IRF2BPL: variants seen among roughly 807,000 people sequenced by gnomAD.
IRF2BPL encodes the protein interferon regulatory factor 2 binding protein like.
Under a neutral mutation model 51.2 loss-of-function variants are expected in IRF2BPL, and 13 were observed. The observed-to-expected ratio is 0.25, with a 90% CI of 0.17 to 0.40. The LOEUF (loss-of-function observed/expected upper bound fraction) is 0.40, where lower values mean the gene tolerates loss of function less well. Ranked by LOEUF, IRF2BPL falls within the 10% of genes least tolerant of loss-of-function variation. The pLI is 1.00. For synonymous variants in IRF2BPL, 768 were observed against 509.2 expected (o/e 1.51, Z -6.84); for missense variants, 1,210 against 1,111.8 (o/e 1.09, Z -1.26).
rs1052790205 is a variant in IRF2BPL at position 77,028,308 on chromosome 14, C to T, written c.-516G>A. ...GTTCAGTGCCACCCGGTGCCCGGGT[C>T]CAATCTTGCTGAAGCCGCTGCTTCC... On this transcript the variant is annotated 5_prime_UTR_variant, in exon 1 of 1. Transcript: ENST00000238647. The T allele has an allele frequency of 1.6e-5, 4 of 250,524 alleles. No individual in the cohort carries two copies. The East Asian group carries it at 3.7e-4, about 23-fold the overall frequency. 15.5% of individuals were successfully genotyped at this position (250,524 alleles called of 1,614,324 possible).
chr14:77,026,925 G>A lies in IRF2BPL; in HGVS notation c.868C>T (p.Pro290Ser), dbSNP rs577768441. Reference sequence around the variant, plus strand: ...CAAGCGGGGCCCCCAGGAGCCCCTGGGGGAGCAGGCGTCGGGGGCCCACGG... The same window carrying A: ...CAAGCGGGGCCCCCAGGAGCCCCTGAGGGAGCAGGCGTCGGGGGCCCACGG... ...GSRGPPTPAP[P>S]GAPGGPACLG... Residue 290 changes from proline (P) to serine (S), a missense_variant, in exon 1 of 1, where the codon CCA becomes TCA. Coordinates refer to ENST00000238647, the MANE Select transcript of IRF2BPL (RefSeq NM_024496.4). 1.0e-5 allele frequency: 15 copies of A among 1,478,468 alleles called. No individual in the cohort carries two copies. In the African/African-American group the frequency reaches 1.8e-4, roughly 18 times the overall value. The allele number at this position is 1,478,468 out of a possible 1,614,324, so 91.6% of individuals were successfully genotyped here. A position where few individuals can be genotyped will look rare whatever the true frequency, so the allele number is the denominator to read the frequency against.
In IRF2BPL at chr14:77,027,065, C is replaced by G; in HGVS notation, c.728G>C (p.Gly243Ala). ...GGTGAGCTGGGGGCCTCCGCCACCC[C>G]CCGGGTTGGGCAGCCCCGTAACCAG... Reference protein sequence around the residue: ...GGLVTGLPNPGGGGGPQLTVP... With the variant: ...GGLVTGLPNPAGGGGPQLTVP... The change falls in exon 1 of 1, where the codon GGG becomes GCG. Residue 243 changes from glycine (G) to alanine (A), a missense_variant. Gly to Ala is a moderately conservative substitution (Grantham distance 60). Coordinates refer to ENST00000238647, the MANE Select transcript of IRF2BPL (RefSeq NM_024496.4). 3 of 1,590,614 alleles carry G rather than the reference C, an allele frequency of 1.9e-6. No homozygotes were observed. The highest frequency in any genetic ancestry group is 2.6e-6 in the Non-Finnish European group (3 of 1,170,284).
At position 77,027,065 on chromosome 14, in the gene IRF2BPL, C is replaced by T; in HGVS notation, c.728G>A (p.Gly243Glu). Residue 243 changes from glycine to glutamate, a missense_variant, in exon 1 of 1, where the codon GGG becomes GAG. Gly to Glu is a moderately conservative substitution (Grantham distance 98, BLOSUM62 -2). Coordinates refer to ENST00000238647, the MANE Select transcript of IRF2BPL (RefSeq NM_024496.4). ...GGTGAGCTGGGGGCCTCCGCCACCC[C>T]CCGGGTTGGGCAGCCCCGTAACCAG... ...GGLVTGLPNPGGGGGPQLTVP... is the reference protein window; with the variant it reads ...GGLVTGLPNPEGGGGPQLTVP... 6.3e-7 allele frequency: 1 copy of T among 1,590,614 alleles called. No individual in the cohort carries two copies. The highest frequency in any genetic ancestry group is 2.3e-5 in the East Asian group (1 of 43,926).
At position 77,026,093 on chromosome 14, in the gene IRF2BPL, T is replaced by G; in HGVS notation, c.1700A>C (p.Gln567Pro). Residue 567 changes from glutamine to proline, a missense_variant, in exon 1 of 1, where the codon CAG (glutamine) becomes CCG (proline). Gln to Pro is a moderately conservative substitution (Grantham distance 76). Transcript: ENST00000238647. ...CTCGCTCTGGTTCGCCATCCACTGC[T>G]GCCTCTGCTGTTCCTCGCCCAGCTT... The part of the protein sequence containing the change: ...ALKLGEEQQR[Q>P]QWMANQSEAL... 8 of 1,575,468 alleles carry G rather than the reference T, an allele frequency of 5.1e-6. No homozygotes were observed. Among genetic ancestry groups the G allele is most frequent in the Non-Finnish European group, 6.9e-6 (8 of 1,165,812 alleles).
In IRF2BPL at chr14:77,028,052, G is replaced by GC; in HGVS notation, c.-261dup. The GC allele has an allele frequency of 2.6e-6, 1 of 391,496 alleles. No homozygotes were observed. The highest frequency in any genetic ancestry group is 4.7e-6 in the Non-Finnish European group (1 of 214,480). The allele number at this position is 391,496 out of a possible 1,614,324, so 24.3% of individuals were successfully genotyped here. On this transcript the variant is annotated 5_prime_UTR_variant, in exon 1 of 1. Coordinates refer to ENST00000238647, the MANE Select transcript of IRF2BPL (RefSeq NM_024496.4). Reference sequence around the variant, plus strand: ...CACCTCCTACTGCGGTTGACTCGTCGCGAGGGGAGCTCAGGCGCCTTCTTC... The same window carrying GC: ...CACCTCCTACTGCGGTTGACTCGTCGCCGAGGGGAGCTCAGGCGCCTTCTTC...
Position 77,025,370 on chromosome 14 carries a change from G to A in IRF2BPL, c.*32C>T. 6.7e-7 allele frequency: 1 copy of A among 1,482,862 alleles called. No individual in the cohort carries two copies. The highest frequency in any genetic ancestry group is 9.1e-7 in the Non-Finnish European group (1 of 1,100,346). 91.9% of individuals were successfully genotyped at this position (1,482,862 alleles called of 1,614,324 possible). A position where few individuals can be genotyped will look rare whatever the true frequency, so the allele number is the denominator to read the frequency against. On this transcript the variant is annotated 3_prime_UTR_variant, in exon 1 of 1. Transcript: ENST00000238647. ...GGCCCTCAGGATTGGAGAGGAGCTG[G>A]TCTAGGGCAAAGGAGGTGGCTGCCC...
rs528243192 is a variant in IRF2BPL at position 77,025,989 on chromosome 14, G to A, written c.1804C>T (p.Pro602Ser). Residue 602 changes from proline (P) to serine (S), a missense_variant, in exon 1 of 1, where the codon CCT becomes TCT. Pro to Ser is a moderately conservative substitution (Grantham distance 74, BLOSUM62 -1). Transcript: ENST00000238647. Reference protein sequence around the residue: ...AAGGPPPPPPPLGPHSNRTTP... With the variant: ...AAGGPPPPPPSLGPHSNRTTP... ...GTCCGGTTGGAATGGGGTCCCAGAG[G>A]TGGGGGCGGCGGAGGCGGACCCCCC... The A allele has an allele frequency of 7.0e-6, 11 of 1,581,362 alleles. No individual in the cohort carries two copies. Among genetic ancestry groups the A allele is most frequent in the African/African-American group, 2.7e-5 (2 of 74,158 alleles).
chr14:77,028,424 C>A lies in IRF2BPL; in HGVS notation c.-632G>T, dbSNP rs891877767. ...TCTGCTGGCGGCGACTGGGTTTGCA[C>A]CCCGGAGGGAGCCGCCGCGGCCACT... is the stretch of plus-strand genomic sequence containing the variant. On this transcript the variant is annotated 5_prime_UTR_variant, in exon 1 of 1. Transcript: ENST00000238647. The A allele has an allele frequency of 3.7e-6, 1 of 273,356 alleles. No homozygotes were observed. The highest frequency in any genetic ancestry group is 7.1e-6 in the Non-Finnish European group (1 of 141,840). 16.9% of individuals were successfully genotyped at this position (273,356 alleles called of 1,614,324 possible).
At position 77,028,259 on chromosome 14, in the gene IRF2BPL, G is replaced by C; in HGVS notation, c.-467C>G. 4.2e-6 allele frequency: 1 copy of C among 235,492 alleles called. No individual in the cohort carries two copies. 14.6% of individuals were successfully genotyped at this position (235,492 alleles called of 1,614,324 possible). ...ACGAGCTGCGTCCTCTCCCCGACGG[G>C]CCCCCTGGGGCGAGGGCCAGAGGGT... On this transcript the variant is annotated 5_prime_UTR_variant, in exon 1 of 1. Transcript: ENST00000238647.
Position 77,026,149 on chromosome 14 carries a change from C to T in IRF2BPL, c.1644G>A (p.Pro548=), listed in dbSNP as rs1276203239. 4 of 1,526,716 alleles carry T rather than the reference C, an allele frequency of 2.6e-6. No individual in the cohort carries two copies. The highest frequency in any genetic ancestry group is 2.5e-5 in the East Asian group (1 of 40,678). 94.6% of individuals were successfully genotyped at this position (1,526,716 alleles called of 1,614,324 possible). A position where few individuals can be genotyped will look rare whatever the true frequency, so the allele number is the denominator to read the frequency against. Residue 548 remains proline, a synonymous_variant, in exon 1 of 1, where the codon CCG becomes CCA. Transcript: ENST00000238647. The part of the protein sequence containing the change: ...AASLRKRKAS[P]EPPDSAEGAL... The stretch of plus-strand genomic sequence containing the variant: ...CGCCCTCGGCTGAGTCCGGGGGCTC[C>T]GGAGAGGCCTTTCTCTTGCGCAGGC...
rs1885106396 is a variant in IRF2BPL, at chr14:77,026,071, G to A, written c.1722C>T (p.Ser574=). ...CGGACATGGTGAGCTTCAGCGCCTC[G>A]CTCTGGTTCGCCATCCACTGCTGCC... ...QQRQQWMANQ[S]EALKLTMSAG... is the part of the protein sequence containing the mutation. Residue 574 remains serine, a synonymous_variant, in exon 1 of 1, where the codon AGC becomes AGT. Transcript: ENST00000238647. 3 of 1,568,014 alleles carry A rather than the reference G, an allele frequency of 1.9e-6. No homozygotes were observed. Among genetic ancestry groups the A allele is most frequent in the Non-Finnish European group, 2.6e-6 (3 of 1,161,694 alleles).
Position 77,028,346 on chromosome 14 carries a change from G to C in IRF2BPL, c.-554C>G, listed in dbSNP as rs918973828. 3.9e-6 allele frequency: 1 copy of C among 255,674 alleles called. No individual in the cohort carries two copies. Among genetic ancestry groups the C allele is most frequent in the African/African-American group, 2.3e-5 (1 of 43,662 alleles). The allele number at this position is 255,674 out of a possible 1,614,324, so 15.8% of individuals were successfully genotyped here. Reference sequence around the variant, plus strand: ...AGCCGCTGCTTCCCCGGAGGACCGGGGGAGGGGGTGGCAGCCGAGAAAGGA... The same window carrying C: ...AGCCGCTGCTTCCCCGGAGGACCGGCGGAGGGGGTGGCAGCCGAGAAAGGA... On this transcript the variant is annotated 5_prime_UTR_variant, in exon 1 of 1. Coordinates refer to ENST00000238647, the MANE Select transcript of IRF2BPL (RefSeq NM_024496.4).
rs759154321 is a variant in IRF2BPL, at chr14:77,025,718, G to A, written c.2075C>T (p.Pro692Leu). 1.9e-6 allele frequency: 3 copies of A among 1,573,072 alleles called. No individual in the cohort carries two copies. The highest frequency in any genetic ancestry group is 2.6e-6 in the Non-Finnish European group (3 of 1,158,246). ...TTGGGGGTGCACTTGGTCCATGCCC[G>A]GGTGGGCGCTAGGCGGCGGGGGCGC... ...QVAPPPPSAH[P>L]GMDQVHPQNI... The change falls in exon 1 of 1, where the codon CCG (proline) becomes CTG (leucine). Residue 692 changes from proline to leucine, a missense_variant. Transcript: ENST00000238647.
In IRF2BPL at chr14:77,026,361, G is replaced by A; in HGVS notation, c.1432C>T (p.Leu478Phe). Residue 478 changes from leucine to phenylalanine, a missense_variant, in exon 1 of 1, where the codon CTC becomes TTC. Coordinates refer to ENST00000238647, the MANE Select transcript of IRF2BPL (RefSeq NM_024496.4). ...SGDWRLLGDL[L>F]PEAVRFFKEG... ...TTGAAGAAGCGCACGGCTTCGGGGA[G>A]CAGGTCTCCAAGCAGGCGCCAGTCC... 6.2e-7 allele frequency: 1 copy of A among 1,610,828 alleles called. No individual in the cohort carries two copies. Among genetic ancestry groups the A allele is most frequent in the Non-Finnish European group, 8.5e-7 (1 of 1,179,030 alleles).
chr14:77,027,829 C>T lies in IRF2BPL; in HGVS notation c.-37G>A, dbSNP rs1035301158. 2.1e-5 allele frequency: 31 copies of T among 1,471,480 alleles called. No homozygotes were observed. The highest frequency in any genetic ancestry group is 2.9e-5 in the African/African-American group (2 of 69,572). The allele number at this position is 1,471,480 out of a possible 1,614,324, so 91.2% of individuals were successfully genotyped here. On this transcript the variant is annotated 5_prime_UTR_variant, in exon 1 of 1. Coordinates refer to ENST00000238647, the MANE Select transcript of IRF2BPL (RefSeq NM_024496.4). ...TGGGGAAGGTAGGCCCCCGCCCGGG[C>T]TGTCTCCGCGGCGCCTTCTCCTCCG...
At position 77,028,687 on chromosome 14, in the gene IRF2BPL, G is replaced by T. The variant is rs1885244446; in HGVS notation, c.-895C>A. On this transcript the variant is annotated 5_prime_UTR_variant, in exon 1 of 1. Transcript: ENST00000238647. ...AGGCGCGTCTCGGCGCTCCTGCTCCGGCTGCGGCTCGCGCTGTCCCCGGCT... is the reference window on the plus strand; with the variant it reads ...AGGCGCGTCTCGGCGCTCCTGCTCCTGCTGCGGCTCGCGCTGTCCCCGGCT... 1 of 364,988 alleles carries T rather than the reference G, an allele frequency of 2.7e-6. No homozygotes were observed. Among genetic ancestry groups the T allele is most frequent in the Non-Finnish European group, 4.9e-6 (1 of 204,158 alleles). 22.6% of individuals were successfully genotyped at this position (364,988 alleles called of 1,614,324 possible). A position where few individuals can be genotyped will look rare whatever the true frequency, so the allele number is the denominator to read the frequency against.
chr14:77,025,431 C>T lies in IRF2BPL; in HGVS notation c.2362G>A (p.Val788Ile), dbSNP rs1478487699. ...GEIATILAGDVKVKKERDP is the reference protein window; with the variant it reads ...GEIATILAGDIKVKKERDP The stretch of plus-strand genomic sequence containing the variant: ...GGGTCTCTCTCCTTTTTCACTTTAA[C>T]ATCCCCAGCTAAGATAGTCGCGATT... Residue 788 changes from valine to isoleucine, a missense_variant, in exon 1 of 1, where the codon GTT (valine) becomes ATT (isoleucine). Transcript: ENST00000238647. 6.4e-7 allele frequency: 1 copy of T among 1,572,636 alleles called. No homozygotes were observed.
In IRF2BPL at chr14:77,026,779, T is replaced by G. The variant is rs1243364289; in HGVS notation, c.1014A>C (p.Thr338=). The stretch of plus-strand genomic sequence containing the variant: ...TCTCCTTCAACTCGCGCTCCTGGTC[T>G]GTGCTCGACACCGAGCCGGGCCTCT... ...GGKRPGSVSS[T]DQERELKEKQ... Residue 338 remains threonine, a synonymous_variant, in exon 1 of 1, where the codon ACA becomes ACC. Transcript: ENST00000238647. The G allele has an allele frequency of 1.2e-6, 2 of 1,612,694 alleles. No homozygotes were observed. The highest frequency in any genetic ancestry group is 3.3e-5 in the Admixed American group (2 of 60,008).
Position 77,027,238 on chromosome 14 carries a change from G to T in IRF2BPL, c.555C>A (p.His185Gln). Residue 185 changes from histidine to glutamine, a missense_variant, in exon 1 of 1, where the codon CAC (histidine) becomes CAA (glutamine). Coordinates refer to ENST00000238647, the MANE Select transcript of IRF2BPL (RefSeq NM_024496.4). ...CCAGGCCGTTGGGCAGTCGCGCGGT[G>T]TGGCTGCTGCTTCCCAGGCTCACCG... Reference protein sequence around the residue: ...PPPVSLGSSSHTARLPNGLGG... With the variant: ...PPPVSLGSSSQTARLPNGLGG... The T allele has an allele frequency of 6.2e-7, 1 of 1,600,070 alleles. No individual in the cohort carries two copies. The highest frequency in any genetic ancestry group is 8.5e-7 in the Non-Finnish European group (1 of 1,174,322).
Sources: allele counts gnomAD v4.1 joint callset, GRCh38; gene constraint gnomAD v4.1.1; transcripts MANE v1.5; gene names NCBI Gene and HGNC (gene_info 2026-07-23, HGNC 2026-07-21).